NRG1: variants seen among roughly 807,000 people sequenced by gnomAD.
NRG1 encodes the protein neuregulin 1.
Under a neutral mutation model 63.8 loss-of-function variants are expected in NRG1, and 18 were observed. The observed-to-expected ratio is 0.28, with a 90% confidence interval of 0.19 to 0.42. The LOEUF is 0.42. Ranked by LOEUF, NRG1 falls within the 10% of genes least tolerant of loss-of-function variation. NRG1 has a pLI of 1.00. For synonymous variants in NRG1, 302 were observed against 301.3 expected, an observed-to-expected ratio of 1.00 and a Z score of -0.02; for missense variants, 762 against 814.7, an observed-to-expected ratio of 0.94 and a Z score of 0.79.
At chr8:32,307,993 G>A (rs567078600) in intron 1 of NRG1, among the ~76,000 whole-genome samples, 1 of 152,110 alleles carries the variant, frequency 6.6e-6, no homozygotes, top group African/African-American at 2.4e-5. Flanking sequence ...AGTGAACTCC[G>A]ACCACGCTGG....
At chr8:32,592,306 A>G (rs550694584) in intron 1 of NRG1, among the ~76,000 whole-genome samples, 14 of 152,130 alleles carry the variant, frequency 9.2e-5, no homozygotes, top group Admixed American at 7.2e-4. Flanking sequence ...TTGATACAAT[A>G]TTTTTATTCA....
chr8:31,864,518 G>A (rs564063344), intron 1 of NRG1, among the ~76,000 whole-genome samples: 1 of 152,224 alleles, frequency 6.6e-6, no homozygotes, highest in Non-Finnish European at 1.5e-5. Flanking sequence ...CCAGGCCCAG[G>A]CCAGTGGGTT....
At chr8:32,508,339 G>A (rs1828785608) in intron 1 of NRG1, among the ~76,000 whole-genome samples, 1 of 151,792 alleles carries the variant, frequency 6.6e-6, no homozygotes, top group African/African-American at 2.4e-5. Context: ...CGCCCGGGCT[G>A]GAGTGTAGTG....
intron 2 of NRG1, among the ~76,000 whole-genome samples, chr8:32,601,964 T>A (rs1289484369): frequency 6.6e-6 from 1 of 152,162 alleles, no homozygotes; most frequent in African/African-American, 2.4e-5. Flanking sequence ...TATTTCTGCA[T>A]ATATTGTAGT....
chr8:31,949,837 G>A (rs1237001257), intron 1 of NRG1, among the ~76,000 whole-genome samples: 1 of 152,086 alleles, frequency 6.6e-6, no homozygotes, highest in Admixed American at 6.5e-5. Context: ...TTACAAATGG[G>A]AACTCTTGTT....
chr8:32,657,914 A>G (rs976132739), intron 5 of NRG1, among the ~76,000 whole-genome samples: 14 of 152,192 alleles, frequency 9.2e-5, no homozygotes, highest in African/African-American at 2.4e-4. Flanking sequence ...AGCAACTCCT[A>G]TGATTCTTCA....
chr8:32,363,577 C>A (rs1317752706), intron 1 of NRG1, among the ~76,000 whole-genome samples: 3 of 152,188 alleles, frequency 2.0e-5, no homozygotes, highest in Non-Finnish European at 4.4e-5. Flanking sequence ...GCCAAACAGG[C>A]CTTTGTGGAA....
chr8:31,957,383 G>A (rs1164843512), intron 1 of NRG1, among the ~76,000 whole-genome samples: 1 of 152,066 alleles, frequency 6.6e-6, no homozygotes, highest in Admixed American at 6.5e-5. Context: ...ACTGGGCTAT[G>A]TATGAGTCCC....
chr8:32,163,778 A>G (rs1839110785), intron 1 of NRG1, among the ~76,000 whole-genome samples: 1 of 152,166 alleles, frequency 6.6e-6, no homozygotes, highest in African/African-American at 2.4e-5. Context: ...AATATCATTC[A>G]TTTTCGGATT....
At chr8:32,310,862 T>A (rs1856737560) in intron 1 of NRG1, among the ~76,000 whole-genome samples, 1 of 152,158 alleles carries the variant, frequency 6.6e-6, no homozygotes, top group South Asian at 2.1e-4. Flanking sequence ...TTCTTCCCCC[T>A]CACATGCTTG....
At chr8:32,187,489 A>G (rs1233041244) in intron 1 of NRG1, among the ~76,000 whole-genome samples, 1 of 152,218 alleles carries the variant, frequency 6.6e-6, no homozygotes, top group African/African-American at 2.4e-5. Flanking sequence ...CTCTGACTCA[A>G]GGACAAATGA....
chr8:32,019,528 T>A (rs189274660), intron 1 of NRG1, among the ~76,000 whole-genome samples: 5 of 152,376 alleles, frequency 3.3e-5, no homozygotes, highest in African/African-American at 4.8e-5. Context: ...TGTACAAAAT[T>A]TCTTTATTTG....
Position 32,559,245 on chromosome 8 carries a change from T to TAAAAAAAAA in NRG1, c.100+10429_100+10437dup, listed in dbSNP as rs545838945. The stretch of plus-strand genomic sequence containing the variant: ...TAGTATGTCATCTCACTCTAAAATG[T>TAAAAAAAAA]AAAAAAAAAAAAAAAAAATCACTAC... On this transcript the variant is annotated intron_variant, in intron 1 of 11. Coordinates refer to ENST00000356819, the Ensembl canonical transcript of NRG1. Among the ~76,000 whole-genome samples, 21 of 96,770 alleles carry TAAAAAAAAA rather than the reference T, an allele frequency of 2.2e-4. 3 individuals are homozygous for TAAAAAAAAA. The highest frequency in any genetic ancestry group is 3.7e-4 in the East Asian group (1 of 2,692). 63.5% of individuals were successfully genotyped at this position (96,770 alleles called of 152,430 possible). A position where few individuals can be genotyped will look rare whatever the true frequency, so the allele number is the denominator to read the frequency against.
At chr8:32,333,148 T>C (rs1202459363) in intron 1 of NRG1, among the ~76,000 whole-genome samples, 1 of 152,208 alleles carries the variant, frequency 6.6e-6, no homozygotes, top group Non-Finnish European at 1.5e-5. Context: ...TAAAAATCTA[T>C]GTGTTTTTTC....
chr8:31,817,280 C>T (rs1440957030), intron 1 of NRG1, among the ~76,000 whole-genome samples: 1 of 152,208 alleles, frequency 6.6e-6, no homozygotes, highest in Non-Finnish European at 1.5e-5. Flanking sequence ...CTGTCTTTTT[C>T]TGCTGTCTCA....
intron 1 of NRG1, among the ~76,000 whole-genome samples, chr8:32,087,766 A>C (rs2219720): frequency 0.49 from 74,540 of 151,942 alleles, 20,290 homozygotes; most frequent in South Asian, 0.63. Context: ...GCTGCGCCTA[A>C]CCATATTTCT....
chr8:32,563,800 A>G (rs1836906564), intron 1 of NRG1, among the ~76,000 whole-genome samples: 1 of 152,190 alleles, frequency 6.6e-6, no homozygotes, highest in Non-Finnish European at 1.5e-5. Context: ...CTCTTTCCCT[A>G]AACTCATCAA....
chr8:31,762,259 T>C (rs1338086867), intron 1 of NRG1, among the ~76,000 whole-genome samples: 1 of 152,224 alleles, frequency 6.6e-6, no homozygotes, highest in East Asian at 1.9e-4. Context: ...TGTATTCTCA[T>C]TGTTCAACTC....
intron 1 of NRG1, among the ~76,000 whole-genome samples, chr8:32,318,355 T>G (rs1800998865): frequency 6.6e-6 from 1 of 152,198 alleles, no homozygotes; most frequent in Non-Finnish European, 1.5e-5. Context: ...GATAGAGATT[T>G]GAAATATATT....
Sources: allele counts gnomAD v4.1 joint callset (sites outside exome capture counted in the v4.1 genomes callset), GRCh38; gene constraint gnomAD v4.1.1; transcripts MANE v1.5; gene names NCBI Gene and HGNC (gene_info 2026-07-23, HGNC 2026-07-21).